GAL3ST1: variants seen among roughly 807,000 people sequenced by gnomAD.
GAL3ST1 encodes the protein galactose-3-O-sulfotransferase 1, also known as galactosylceramide sulfotransferase.
In GAL3ST1, 13 loss-of-function variants were observed where a neutral mutation model predicts 25.0. The observed-to-expected ratio is 0.52, with a 90% CI of 0.34 to 0.83. The LOEUF is 0.83. Ranked by LOEUF, GAL3ST1 falls within the 40% of genes least tolerant of loss-of-function variation. The probability of loss-of-function intolerance (pLI) is 0.02; values close to 1 mark genes in which losing one functional copy is unlikely to be tolerated. For synonymous variants in GAL3ST1, 274 were observed against 277.8 expected (o/e 0.99, Z 0.14); for missense variants, 474 against 613.6 (o/e 0.77, Z 2.40).
intron 1 of GAL3ST1, among the ~76,000 whole-genome samples, chr22:30,573,105 G>A (rs1040848559): frequency 6.6e-6 from 1 of 152,190 alleles, no homozygotes; most frequent in Non-Finnish European, 1.5e-5. Flanking sequence ...TGGCAGCTGG[G>A]AACAGGGCTT....
intron 1 of GAL3ST1, among the ~76,000 whole-genome samples, chr22:30,561,351 T>C (rs914821633): frequency 3.3e-5 from 5 of 152,142 alleles, no homozygotes; most frequent in Non-Finnish European, 7.4e-5. Flanking sequence ...GAGCCCCTGT[T>C]AGGAGCCAGG....
In GAL3ST1 at chr22:30,555,481, C is replaced by T. The variant is rs781102804; in HGVS notation, c.744G>A (p.Leu248=). The T allele has an allele frequency of 1.2e-6, 2 of 1,613,634 alleles. No individual in the cohort carries two copies. The highest frequency in any genetic ancestry group is 2.2e-5 in the South Asian group (2 of 91,088). Residue 248 remains leucine (L), a synonymous_variant, in exon 4 of 4, where the codon CTG becomes CTA. Transcript: ENST00000406361. This position sits in a 1 kb window ranked among gnomAD's most constrained non-coding sequence, Gnocchi z 8.6. ...HILEVERRFH[L]VLLQEYFDES... ...CGTCGAAGTACTCTTGAAGGAGCAC[C>T]AGGTGGAAGCGACGCTCCACCTCCA...
intron 1 of GAL3ST1, among the ~76,000 whole-genome samples, chr22:30,559,432 A>G (rs28636681): frequency 0.024 from 3,584 of 151,874 alleles, 157 homozygotes; most frequent in African/African-American, 0.081. Context: ...GTAGAGATGG[A>G]GTTTCACCAT....
At chr22:30,567,660 A>G (rs947457427) in intron 1 of GAL3ST1, among the ~76,000 whole-genome samples, 2 of 151,862 alleles carry the variant, frequency 1.3e-5, no homozygotes, top group Non-Finnish European at 2.9e-5. Context: ...TGCAGCCACG[A>G]TAGTTTTTTG....
At chr22:30,571,545 G>A (rs983235282) in intron 1 of GAL3ST1, among the ~76,000 whole-genome samples, 4 of 152,110 alleles carry the variant, frequency 2.6e-5, no homozygotes, top group African/African-American at 9.7e-5. Context: ...TTGAACTTTC[G>A]GGGTCATCTC....
intron 1 of GAL3ST1, chr22:30,560,510 T>G (rs573869529): frequency 1.3e-5 from 2 of 151,928 alleles, no homozygotes; most frequent in East Asian, 3.9e-4. Context: ...CCAAAAGGAG[T>G]AGGGGCTGGG....
intron 1 of GAL3ST1, among the ~76,000 whole-genome samples, chr22:30,559,514 C>G (rs1295895951): frequency 1.3e-5 from 2 of 152,156 alleles, no homozygotes; most frequent in Non-Finnish European, 2.9e-5. Flanking sequence ...GCTAGAGTTA[C>G]AGGCATGAGC....
At chr22:30,568,294 G>A (rs1010489155) in intron 1 of GAL3ST1, among the ~76,000 whole-genome samples, 15 of 152,108 alleles carry the variant, frequency 9.9e-5, no homozygotes, top group African/African-American at 7.2e-5. Context: ...TTTTTTCCAC[G>A]GCAGCACAGC....
At position 30,554,730 on chromosome 22, in the gene GAL3ST1, T is replaced by G. The variant is rs917441344; in HGVS notation, c.*223A>C. On this transcript the variant is annotated 3_prime_UTR_variant, in exon 4 of 4. Coordinates refer to ENST00000406361, the MANE Select transcript of GAL3ST1 (RefSeq NM_001318104.2). ...ATTCTTTATCGGGGAGGGAAAGGGG[T>G]TTAATAAAAACTGGTATAATTAGTT... 7.0e-5 allele frequency: 29 copies of G among 412,224 alleles called. No homozygotes were observed. Among genetic ancestry groups the G allele is most frequent in the Non-Finnish European group, 1.1e-4 (27 of 234,970 alleles). 25.5% of individuals were successfully genotyped at this position (412,224 alleles called of 1,614,324 possible).
chr22:30,571,103 G>A (rs190080448), intron 1 of GAL3ST1, among the ~76,000 whole-genome samples: 2 of 152,234 alleles, frequency 1.3e-5, no homozygotes, highest in East Asian at 3.9e-4. Flanking sequence ...AGGAAGATGA[G>A]CCCCACCTCT....
chr22:30,563,206 C>T (rs12159375), intron 1 of GAL3ST1: 69 of 152,318 alleles, frequency 4.5e-4, no homozygotes, highest in African/African-American at 1.6e-3. Flanking sequence ...GCCTACATGA[C>T]ACCACAAATG....
intron 2 of GAL3ST1, 41 bp downstream of exon 2, chr22:30,558,238 A>T (rs1291630678): frequency 6.6e-6 from 1 of 151,868 alleles, no homozygotes; most frequent in Non-Finnish European, 1.5e-5. Flanking sequence ...ATCTCTACAA[A>T]ACAAAATTTA....
In GAL3ST1 at chr22:30,555,381, G is replaced by C. The variant is rs769892145; in HGVS notation, c.844C>G (p.Arg282Gly). Reference protein sequence around the residue: ...DVLYFKLNARRDSPVPRLSGE... With the variant: ...DVLYFKLNARGDSPVPRLSGE... ...GAGAGCCGCGGCACGGGCGAGTCGC[G>C]GCGGGCGTTGAGCTTGAAGTAGAGC... Residue 282 changes from arginine to glycine, a missense_variant, in exon 4 of 4, where the codon CGC (arginine) becomes GGC (glycine). Physicochemically the swap from Arg to Gly is moderately radical, Grantham distance 125. Transcript: ENST00000406361. The surrounding 1 kb of genome is among the most constrained non-coding windows in gnomAD (Gnocchi z 8.6). 119 of 1,608,324 alleles carry C rather than the reference G, an allele frequency of 7.4e-5. No individual in the cohort carries two copies. The highest frequency in any genetic ancestry group is 8.7e-5 in the Non-Finnish European group (103 of 1,179,784).
At chr22:30,558,779 A>C (rs1252059254) in intron 1 of GAL3ST1, among the ~76,000 whole-genome samples, 1 of 152,250 alleles carries the variant, frequency 6.6e-6, no homozygotes, top group African/African-American at 2.4e-5. Context: ...TTGCTCAGTT[A>C]AATTCAAATT....
At chr22:30,572,610 A>G (rs1912845460) in intron 1 of GAL3ST1, 1 of 152,174 alleles carries the variant, frequency 6.6e-6, no homozygotes, top group African/African-American at 2.4e-5. Flanking sequence ...TACCATCCCC[A>G]TCCAAGGAGC....
At chr22:30,559,466 C>CG (rs2086252857) in intron 1 of GAL3ST1, among the ~76,000 whole-genome samples, 1 of 152,154 alleles carries the variant, frequency 6.6e-6, no homozygotes, top group Non-Finnish European at 1.5e-5. Context: ...ATCTTGATCT[C>CG]CTGACCTTGT....
intron 1 of GAL3ST1, among the ~76,000 whole-genome samples, chr22:30,560,583 C>T (rs1342266682): frequency 2.6e-5 from 4 of 152,292 alleles, no homozygotes; most frequent in East Asian, 1.9e-4. Flanking sequence ...CACTTCTCAG[C>T]GACCCAGCAG....
intron 1 of GAL3ST1, among the ~76,000 whole-genome samples, chr22:30,565,484 G>C (rs959943793): frequency 1.3e-5 from 2 of 152,168 alleles, no homozygotes; most frequent in Non-Finnish European, 2.9e-5. Context: ...AAATCTGTGG[G>C]AACCCAGAAG....
intron 1 of GAL3ST1, chr22:30,560,395 CT>C (rs2086333167): frequency 6.6e-6 from 1 of 152,106 alleles, no homozygotes; most frequent in Non-Finnish European, 1.5e-5. Flanking sequence ...GGAGGCGCCC[CT>C]AGCCATTCTC....
Sources: gnomAD v4.1 joint callset for allele counts (sites outside exome capture counted in the v4.1 genomes callset) on GRCh38, gnomAD v4.1.1 for gene constraint, Gnocchi (gnomAD v3.1) non-coding constraint, MANE v1.5 for transcripts, NCBI Gene and HGNC (gene_info 2026-07-23, HGNC 2026-07-21) for gene names.